OPN5: variants seen among roughly 807,000 people sequenced by gnomAD.
The protein encoded by OPN5 is opsin 5, also known as opsin-5.
OPN5 carries 18 observed loss-of-function variants against 41.7 expected under a neutral mutation model. That is an observed-to-expected ratio of 0.43 (90% CI 0.30 to 0.64). The LOEUF (loss-of-function observed/expected upper bound fraction) is 0.64, where lower values mean the gene tolerates loss of function less well. Ranked by LOEUF, OPN5 falls within the 30% of genes least tolerant of loss-of-function variation. OPN5 has a pLI of 0.13. For synonymous variants in OPN5, 178 were observed against 164.3 expected (o/e 1.08, Z -0.64); for missense variants, 318 against 434.5 (o/e 0.73, Z 2.38).
chr6:47,785,471 A>C (rs529076825), intron 1 of OPN5, among the ~76,000 whole-genome samples: 36 of 152,310 alleles, frequency 2.4e-4, no homozygotes, highest in African/African-American at 7.9e-4. Context: ...CTTTGCCCCC[A>C]AAATGAATTG....
chr6:47,819,745 G>C (rs1312062492), intron 6 of OPN5, among the ~76,000 whole-genome samples: 1 of 152,006 alleles, frequency 6.6e-6, no homozygotes, highest in Non-Finnish European at 1.5e-5. Context: ...ATGAGGAATG[G>C]GAGGAAATCT....
chr6:47,816,578 G>A (rs367839711), intron 6 of OPN5, among the ~76,000 whole-genome samples: 2 of 152,134 alleles, frequency 1.3e-5, no homozygotes, highest in East Asian at 3.9e-4. Context: ...TTGGGGCAGT[G>A]TGGATTACAA....
chr6:47,797,032 T>C (rs1773594439), intron 4 of OPN5, among the ~76,000 whole-genome samples: 1 of 152,166 alleles, frequency 6.6e-6, no homozygotes, highest in Non-Finnish European at 1.5e-5. Flanking sequence ...TTGTGAGACT[T>C]ATTCACTATC....
intron 2 of OPN5, among the ~76,000 whole-genome samples, chr6:47,790,404 T>G (rs1399439538): frequency 1.4e-5 from 2 of 146,960 alleles, no homozygotes; most frequent in African/African-American, 2.4e-5. Flanking sequence ...TCTCTCTCTC[T>G]TTCTCTCTCT....
chr6:47,801,498 A>G (rs369892388), intron 4 of OPN5, among the ~76,000 whole-genome samples: 79 of 152,090 alleles, frequency 5.2e-4, no homozygotes, highest in African/African-American at 1.9e-3. Flanking sequence ...GATTCAGAAG[A>G]CCCCCTGTGT....
At chr6:47,814,921 A>C (rs981680786) in intron 6 of OPN5, among the ~76,000 whole-genome samples, 2 of 152,148 alleles carry the variant, frequency 1.3e-5, no homozygotes, top group African/African-American at 4.8e-5. Flanking sequence ...GAAATCAAAC[A>C]AGTAATGACT....
At chr6:47,810,729 G>A (rs932038857) in intron 5 of OPN5, among the ~76,000 whole-genome samples, 1 of 152,140 alleles carries the variant, frequency 6.6e-6, no homozygotes, top group Non-Finnish European at 1.5e-5. Flanking sequence ...AATCCTCTGA[G>A]ATTTTGGTAG....
chr6:47,807,838 A>G (rs1774034729), intron 4 of OPN5, among the ~76,000 whole-genome samples: 1 of 151,598 alleles, frequency 6.6e-6, no homozygotes, highest in Admixed American at 6.6e-5. Context: ...GTCCAGAAAT[A>G]TTATGATTTC....
At chr6:47,787,118 C>A (rs572750378) in intron 2 of OPN5, 3 of 980,714 alleles carry the variant, frequency 3.1e-6, no homozygotes, top group South Asian at 4.7e-5. Context: ...AGGTGCCCTG[C>A]TGATGATATA....
chr6:47,810,126 A>G (rs929640445), intron 5 of OPN5, among the ~76,000 whole-genome samples: 1 of 152,232 alleles, frequency 6.6e-6, no homozygotes, highest in Non-Finnish European at 1.5e-5. Context: ...ACTGGTTCCT[A>G]TTAGCCGTTT....
At chr6:47,797,416 A>T (rs1773610811) in intron 4 of OPN5, among the ~76,000 whole-genome samples, 1 of 152,210 alleles carries the variant, frequency 6.6e-6, no homozygotes, top group South Asian at 2.1e-4. Flanking sequence ...TAGGTTCTTC[A>T]TTTCTAGCTC....
At chr6:47,813,003 C>G (rs530209257) in intron 6 of OPN5, among the ~76,000 whole-genome samples, 8 of 152,138 alleles carry the variant, frequency 5.3e-5, no homozygotes, top group Non-Finnish European at 1.0e-4. Flanking sequence ...TGAGGAATGA[C>G]TTGATGTGTG....
chr6:47,808,038 A>G (rs1226096828), intron 4 of OPN5, 116 bp from the exon 5 acceptor site: 59 of 936,272 alleles, frequency 6.3e-5, no homozygotes, highest in Admixed American at 2.0e-5. Flanking sequence ...AATGAAAACA[A>G]TGACAGACTT....
chr6:47,792,397 G>T (rs758662396), intron 3 of OPN5, among the ~76,000 whole-genome samples: 8 of 152,178 alleles, frequency 5.3e-5, no homozygotes, highest in Admixed American at 4.6e-4. Context: ...TGTGATTTCA[G>T]AGATAAGGAA....
At chr6:47,803,202 A>G (rs1773842115) in intron 4 of OPN5, among the ~76,000 whole-genome samples, 1 of 152,192 alleles carries the variant, frequency 6.6e-6, no homozygotes, top group Admixed American at 6.5e-5. Flanking sequence ...AAGCTAAGTA[A>G]GTGTCACCAC....
rs749515999 is a variant in OPN5 at position 47,808,337 on chromosome 6, G to T, written c.940G>T (p.Ala314Ser). 2.5e-6 allele frequency: 4 copies of T among 1,613,968 alleles called. No homozygotes were observed. The Admixed American group carries it at 6.7e-5, about 27-fold the overall frequency. The change falls in exon 5 of 7, where the codon GCC becomes TCC. Residue 314 changes from alanine (A) to serine (S), a missense_variant. Transcript: ENST00000371211. ...TTACCAAGTTATTGATTACAAATTT[G>T]CCTGTTGCCAAACTGGTGGTTTGAA...
chr6:47,806,353 C>A (rs954271590), intron 4 of OPN5, among the ~76,000 whole-genome samples: 3 of 152,078 alleles, frequency 2.0e-5, no homozygotes, highest in Admixed American at 6.6e-5. Flanking sequence ...TAAATAAAAA[C>A]CAAAGTTTTG....
chr6:47,790,950 C>A (rs141011581), intron 2 of OPN5, among the ~76,000 whole-genome samples: 1,581 of 152,208 alleles, frequency 0.01, 35 homozygotes, highest in African/African-American at 0.036. Flanking sequence ...AAGAAAAAAA[C>A]CAAATTCCCC....
At chr6:47,819,379 A>AATATATATATATATATATATAT (rs544310153) in intron 6 of OPN5, among the ~76,000 whole-genome samples, 39 of 97,362 alleles carry the variant, frequency 4.0e-4, no homozygotes, top group Non-Finnish European at 4.8e-4. Flanking sequence ...TATAAGTAGA[A>AATATATATATATATATATATAT]ATATATATAT....
Sources: allele counts gnomAD v4.1 joint callset (sites outside exome capture counted in the v4.1 genomes callset), GRCh38; gene constraint gnomAD v4.1.1; transcripts MANE v1.5; gene names NCBI Gene and HGNC (gene_info 2026-07-23, HGNC 2026-07-21).